FHOD3: variants seen among roughly 807,000 people sequenced by gnomAD.
The protein encoded by FHOD3 is formin homology 2 domain containing 3.
FHOD3 carries 90 observed loss-of-function variants against 173.0 expected under a neutral mutation model. That is an observed-to-expected ratio of 0.52 (90% CI 0.44 to 0.62). The LOEUF is 0.62. Ranked by LOEUF, FHOD3 falls within the 20% of genes least tolerant of loss-of-function variation. FHOD3 has a pLI of 0.00. For missense variants in FHOD3, 1,945 were observed against 2,034.7 expected (o/e 0.96, Z 0.85); for synonymous variants, 828 against 823.0 (o/e 1.01, Z -0.10).
chr18:36,759,187 A>G (rs1476625602), intron 26 of FHOD3, 46 bp downstream of exon 26: 6 of 1,520,108 alleles, frequency 3.9e-6, no homozygotes, highest in Admixed American at 3.9e-5. Flanking sequence ...TTACCACCTC[A>G]TGTATGCTCT....
rs1216098840 is a variant in FHOD3 at position 36,759,136 on chromosome 18, G to C, written c.4444G>C (p.Val1482Leu). ...CGGGTAGACTGATGAGGAGGAGGAA[G>C]TTGAGGTATGACCATTTATGAACAT... ...MITDTDEEEE[V>L]ESGKFSGSSP... The change falls in exon 26 of 29, where the codon GTT becomes CTT. Residue 1482 changes from valine to leucine, a missense_variant. This residue lies in a region of FHOD3 where 354 missense variants were observed against 359.9 expected (regional missense o/e 0.98). Coordinates refer to ENST00000590592, the MANE Select transcript of FHOD3 (RefSeq NM_001281740.3). The C allele has an allele frequency of 6.5e-7, 1 of 1,535,944 alleles. No individual in the cohort carries two copies. The highest frequency in any genetic ancestry group is 2.0e-5 in the Admixed American group (1 of 51,000).
chr18:36,613,120 C>T (rs2032859391), intron 9 of FHOD3, among the ~76,000 whole-genome samples: 1 of 152,208 alleles, frequency 6.6e-6, no homozygotes, highest in Non-Finnish European at 1.5e-5. Context: ...TGTCAGTGCC[C>T]CTGCCTGCCC....
At chr18:36,576,643 C>CT (rs2058665952) in intron 6 of FHOD3, 98 bp downstream of exon 6, 1 of 872,964 alleles carries the variant, frequency 1.1e-6, no homozygotes, top group Admixed American at 2.6e-5. Flanking sequence ...TTTTATTCAG[C>CT]TTTTTTCAAG....
intron 8 of FHOD3, among the ~76,000 whole-genome samples, chr18:36,606,029 G>C (rs1263207743): frequency 1.3e-5 from 2 of 152,124 alleles, no homozygotes; most frequent in Non-Finnish European, 2.9e-5. Flanking sequence ...TGAGTAACAA[G>C]AGGGGTTACC....
At chr18:36,408,075 G>A (rs923377337) in intron 3 of FHOD3, among the ~76,000 whole-genome samples, 3 of 152,146 alleles carry the variant, frequency 2.0e-5, no homozygotes, top group Admixed American at 6.5e-5. Context: ...CCCTGAGACC[G>A]CCTTCCAGAG....
rs1434544130 is a variant in FHOD3 at position 36,742,806 on chromosome 18, T to G, written c.3829T>G (p.Phe1277Val). 1 of 1,613,976 alleles carries G rather than the reference T, an allele frequency of 6.2e-7. No homozygotes were observed. Among genetic ancestry groups the G allele is most frequent in the East Asian group, 2.2e-5 (1 of 44,884 alleles). Residue 1277 changes from phenylalanine to valine, a missense_variant, in exon 22 of 29, where the codon TTT (phenylalanine) becomes GTT (valine). Phe to Val is a conservative substitution (Grantham distance 50). This residue lies in a region of FHOD3 where 231 missense variants were observed against 321.9 expected (regional missense o/e 0.72). Coordinates refer to ENST00000590592, the MANE Select transcript of FHOD3 (RefSeq NM_001281740.3). ...DQLENNKTLGFILSTLLAIGN... is the reference protein window; with the variant it reads ...DQLENNKTLGVILSTLLAIGN... ...GTTGGAGAACAATAAAACCTTGGGC[T>G]TTATCCTGTCTACTCTCTTAGCCAT...
At chr18:36,462,368 G>A (rs1447250328) in intron 3 of FHOD3, among the ~76,000 whole-genome samples, 3 of 152,086 alleles carry the variant, frequency 2.0e-5, no homozygotes, top group Admixed American at 2.0e-4. Flanking sequence ...GTCTCGCTCT[G>A]TTGCCCAGGC....
chr18:36,734,427 T>G (rs2041529713), intron 20 of FHOD3, among the ~76,000 whole-genome samples: 1 of 152,076 alleles, frequency 6.6e-6, no homozygotes, highest in African/African-American at 2.4e-5. Flanking sequence ...ACATGCCCCC[T>G]AGGAGCAAAA....
intron 1 of FHOD3, among the ~76,000 whole-genome samples, chr18:36,317,497 A>G (rs2044186588): frequency 6.6e-6 from 1 of 151,610 alleles, no homozygotes; most frequent in Non-Finnish European, 1.5e-5. Context: ...ATTTTTTCAT[A>G]TGTCTGTTGG....
chr18:36,567,097 G>A (rs1196151111), intron 5 of FHOD3, among the ~76,000 whole-genome samples: 2 of 152,138 alleles, frequency 1.3e-5, no homozygotes, highest in Admixed American at 6.5e-5. Flanking sequence ...GGGTCCCTTA[G>A]GACCTACTGA....
chr18:36,639,525 T>G (rs533922710), intron 10 of FHOD3, among the ~76,000 whole-genome samples: 13 of 152,204 alleles, frequency 8.5e-5, no homozygotes, highest in African/African-American at 2.6e-4. Context: ...TAGCCGGGCG[T>G]GGTGGCGGGT....
chr18:36,730,556 CTAAA>C (rs2041304503), intron 19 of FHOD3, 86 bp from the exon 20 acceptor site: 1 of 1,331,590 alleles, frequency 7.5e-7, no homozygotes, highest in Non-Finnish European at 1.0e-6. Context: ...GTTTTCATCT[CTAAA>C]TAAGTAGTGA....
At chr18:36,518,020 A>G (rs951614702) in intron 5 of FHOD3, among the ~76,000 whole-genome samples, 1 of 152,222 alleles carries the variant, frequency 6.6e-6, no homozygotes, top group Non-Finnish European at 1.5e-5. Flanking sequence ...TTATGATGTT[A>G]GAAGGCAGTG....
chr18:36,538,949 G>T (rs2057098422), intron 5 of FHOD3, among the ~76,000 whole-genome samples: 1 of 152,180 alleles, frequency 6.6e-6, no homozygotes, highest in Non-Finnish European at 1.5e-5. Context: ...ATATAGTACT[G>T]TAGCTAAGTA....
Position 36,602,762 on chromosome 18 carries a change from G to A in FHOD3, c.807G>A (p.Val269=), listed in dbSNP as rs553324446. Residue 269 remains valine (V), a synonymous_variant, in exon 8 of 29, where the codon GTG becomes GTA. Coordinates refer to ENST00000590592, the MANE Select transcript of FHOD3 (RefSeq NM_001281740.3). ...TACTGGTTTATGCAATGACTTTGGT[G>A]AACAAGGTTGGTTGACTATGTTATG... is the stretch of plus-strand genomic sequence containing the variant. The part of the protein sequence containing the change: ...TELLVYAMTL[V]NKTLSGLPDQ... The A allele has an allele frequency of 5.6e-5, 91 of 1,613,604 alleles. 3 individuals carry two copies. In the South Asian group the frequency reaches 9.6e-4, roughly 17 times the overall value.
At chr18:36,319,791 C>T (rs923860037) in intron 1 of FHOD3, among the ~76,000 whole-genome samples, 3 of 152,194 alleles carry the variant, frequency 2.0e-5, no homozygotes, top group African/African-American at 7.2e-5. Flanking sequence ...AACTGTCTCT[C>T]AGACCACAGT....
At chr18:36,557,786 A>T (rs1296675663) in intron 5 of FHOD3, among the ~76,000 whole-genome samples, 4 of 150,802 alleles carry the variant, frequency 2.7e-5, no homozygotes, top group South Asian at 2.1e-4. Flanking sequence ...TGTGACTTGT[A>T]CTTATTGCAT....
intron 1 of FHOD3, among the ~76,000 whole-genome samples, chr18:36,336,557 C>T (rs1171248415): frequency 6.6e-6 from 1 of 152,022 alleles, no homozygotes; most frequent in East Asian, 1.9e-4. Context: ...TTAATTTTGG[C>T]TGAACGCAGT....
chr18:36,679,840 A>G (rs920242586), intron 14 of FHOD3, among the ~76,000 whole-genome samples: 1 of 152,178 alleles, frequency 6.6e-6, no homozygotes, highest in African/African-American at 2.4e-5. Flanking sequence ...ATTTGAAAGA[A>G]TATGTTTTCT....
Sources: allele counts gnomAD v4.1 joint callset (sites outside exome capture counted in the v4.1 genomes callset), GRCh38; gene constraint gnomAD v4.1.1; regional missense constraint gnomAD v4.1.1; transcripts MANE v1.5; gene names NCBI Gene and HGNC (gene_info 2026-07-23, HGNC 2026-07-21).